Variants in FILIP1 observed in about 807,000 individuals in gnomAD.
The protein encoded by FILIP1 is filamin A interacting protein 1.
A neutral mutation model predicts 102.1 loss-of-function variants in FILIP1; 61 were observed. The ratio of observed to expected loss-of-function variants is 0.60; its 90% CI spans 0.49 to 0.74. The LOEUF (loss-of-function observed/expected upper bound fraction) is 0.74, where lower values mean the gene tolerates loss of function less well. Among genes scored for constraint, FILIP1 ranks in the 30% least tolerant of loss-of-function variants. The probability of loss-of-function intolerance (pLI) is 0.00; values close to 1 mark genes in which losing one functional copy is unlikely to be tolerated. For missense variants in FILIP1, 1,314 were observed against 1,441.2 expected (o/e 0.91, Z 1.43); for synonymous variants, 491 against 526.9 (o/e 0.93, Z 0.93).
intron 1 of FILIP1, among the ~76,000 whole-genome samples, chr6:75,478,539 A>G (rs1179784920): frequency 2.6e-5 from 4 of 152,292 alleles, no homozygotes; most frequent in African/African-American, 9.6e-5. Context: ...AAAAAGCCCA[A>G]CATCTGGTGG....
At chr6:75,346,753 G>T (rs1259086299) in intron 4 of FILIP1, among the ~76,000 whole-genome samples, 1 of 152,114 alleles carries the variant, frequency 6.6e-6, no homozygotes, top group Non-Finnish European at 1.5e-5. Flanking sequence ...CCAGCTAGGG[G>T]TAACACCTCA....
intron 1 of FILIP1, among the ~76,000 whole-genome samples, chr6:75,456,800 C>T (rs184217339): frequency 6.6e-5 from 10 of 152,122 alleles, no homozygotes; most frequent in Admixed American, 3.9e-4. Context: ...CCTCGTGATC[C>T]GCGCGGGTCG....
At chr6:75,346,399 G>A (rs1253801628) in intron 4 of FILIP1, among the ~76,000 whole-genome samples, 2 of 152,142 alleles carry the variant, frequency 1.3e-5, no homozygotes, top group African/African-American at 4.8e-5. Context: ...TTGAGAATGA[G>A]AGTGCTATGA....
At chr6:75,383,135 T>C (rs181215077) in intron 2 of FILIP1, among the ~76,000 whole-genome samples, 7 of 152,234 alleles carry the variant, frequency 4.6e-5, no homozygotes, top group Admixed American at 3.9e-4. Context: ...ATGGACACTG[T>C]AGATGTCATA....
chr6:75,414,569 A>T (rs1777187028), intron 2 of FILIP1, 128 bp downstream of exon 2: 5 of 899,348 alleles, frequency 5.6e-6, no homozygotes, highest in Non-Finnish European at 8.5e-6. Flanking sequence ...CTAGGGATTT[A>T]GAAATAAGGG....
intron 4 of FILIP1, among the ~76,000 whole-genome samples, chr6:75,349,813 G>T (rs1774726781): frequency 2.0e-5 from 3 of 152,190 alleles, no homozygotes; most frequent in Non-Finnish European, 2.9e-5. Context: ...CGTGGTCTCC[G>T]CTGGGGAGGG....
intron 2 of FILIP1, among the ~76,000 whole-genome samples, chr6:75,409,202 G>A (rs1383202176): frequency 1.3e-5 from 2 of 152,156 alleles, no homozygotes; most frequent in Non-Finnish European, 2.9e-5. Context: ...TAATGGGAAG[G>A]ACATTCAACA....
chr6:75,454,447 TCTC>T (rs1219110987), intron 1 of FILIP1, among the ~76,000 whole-genome samples: 48 of 152,286 alleles, frequency 3.2e-4, no homozygotes, highest in African/African-American at 1.1e-3. Context: ...TTCAAAATAA[TCTC>T]CTCATCTTAA....
At chr6:75,461,014 T>C (rs906006390) in intron 1 of FILIP1, among the ~76,000 whole-genome samples, 10 of 152,206 alleles carry the variant, frequency 6.6e-5, no homozygotes, top group Non-Finnish European at 1.5e-4. Flanking sequence ...TTGTTTACTA[T>C]AATAACCCAC....
chr6:75,390,843 T>G (rs1776259937), intron 2 of FILIP1, among the ~76,000 whole-genome samples: 1 of 152,124 alleles, frequency 6.6e-6, no homozygotes, highest in Non-Finnish European at 1.5e-5. Flanking sequence ...GGATTGCTGT[T>G]ATTCTCTCTA....
intron 1 of FILIP1, among the ~76,000 whole-genome samples, chr6:75,421,578 ACTC>A (rs1442149262): frequency 6.6e-6 from 1 of 150,834 alleles, no homozygotes; most frequent in Admixed American, 6.6e-5. Context: ...CTTCCTCACT[ACTC>A]CTCCTCACTG....
intron 1 of FILIP1, among the ~76,000 whole-genome samples, chr6:75,461,559 AG>A (rs531752517): frequency 1.1e-3 from 175 of 152,362 alleles, no homozygotes; most frequent in African/African-American, 4.0e-3. Context: ...GAACAAATTG[AG>A]AAGTTTGTCC....
Position 75,314,052 on chromosome 6 carries a change from C to G in FILIP1, c.1780G>C (p.Asp594His). The G allele has an allele frequency of 6.6e-7, 1 of 1,518,812 alleles. No individual in the cohort carries two copies. The highest frequency in any genetic ancestry group is 2.4e-5 in the Admixed American group (1 of 41,488). The allele number at this position is 1,518,812 out of a possible 1,614,324, so 94.1% of individuals were successfully genotyped here. ...EKSSELSCSVDLLKKRLDGIE... is the reference protein window; with the variant it reads ...EKSSELSCSVHLLKKRLDGIE... ...CCATCAAGTCTCTTCTTTAGTAAGT[C>G]AACACTGCAGCTTAATTCAGAGGAT... Residue 594 changes from aspartate to histidine, a missense_variant, in exon 5 of 6, where the codon GAC becomes CAC. By Grantham distance (81) the Asp-to-His change is moderately conservative. Transcript: ENST00000237172.
rs1775087071 is a variant in FILIP1, at chr6:75,358,807, T to G, written c.450+3937A>C. 1.3e-4 allele frequency among the ~76,000 whole-genome samples: 19 copies of G among 148,414 alleles called. No homozygotes were observed. In the South Asian group the frequency reaches 3.9e-3, roughly 30 times the overall value. ...GCACGATCTCGGCTCACTGCAACCT[T>G]TGCCTCCCAGGTTCATGCCATTCTC... On this transcript the variant is annotated intron_variant, in intron 3 of 5. Transcript: ENST00000237172.
intron 2 of FILIP1, among the ~76,000 whole-genome samples, chr6:75,381,507 C>G (rs542655325): frequency 3.0e-4 from 46 of 152,150 alleles, no homozygotes; most frequent in Admixed American, 1.5e-3. Flanking sequence ...AGATTACAGG[C>G]GTGAGTCACC....
At chr6:75,450,202 T>A (rs150239327) in intron 1 of FILIP1, among the ~76,000 whole-genome samples, 2,477 of 152,224 alleles carry the variant, frequency 0.016, 38 homozygotes, top group Non-Finnish European at 0.026. Context: ...GCTCTTGAAC[T>A]CCTGGCCTGA....
At position 75,467,676 on chromosome 6, in the gene FILIP1, C is replaced by T. The variant is rs138401738; in HGVS notation, c.-7+25738G>A. Among the ~76,000 whole-genome samples, 917 of 152,188 alleles carry T rather than the reference C, an allele frequency of 6.0e-3. 10 individuals carry two copies. The highest frequency in any genetic ancestry group is 0.021 in the African/African-American group (870 of 41,552). On this transcript the variant is annotated intron_variant, in intron 1 of 5. Transcript: ENST00000237172. ...CACTAGAAATCTCAAAATTTTAGAACGAATTTTTTAATGCATATAGCTGGG... is the reference window on the plus strand; with the variant it reads ...CACTAGAAATCTCAAAATTTTAGAATGAATTTTTTAATGCATATAGCTGGG...
rs1019356980 is a variant in FILIP1 at position 75,300,741 on chromosome 6, C to G, written c.3494-4791G>C. The stretch of plus-strand genomic sequence containing the variant: ...CCGCTAATAGGTTCTGTCATTTGCT[C>G]TAGGAAATTTTTGAACCAGATGATA... On this transcript the variant is annotated intron_variant, in intron 6 of 6. Coordinates refer to the FILIP1 transcript ENST00000393004. Among the ~76,000 whole-genome samples the G allele has an allele frequency of 3.3e-5, 5 of 152,252 alleles. No homozygotes were observed. The Middle Eastern group carries it at 0.014, about 414-fold the overall frequency.
intron 2 of FILIP1, among the ~76,000 whole-genome samples, chr6:75,390,564 C>T (rs140401579): frequency 4.6e-5 from 7 of 152,030 alleles, no homozygotes; most frequent in African/African-American, 1.4e-4. Context: ...GAGAGCAAGG[C>T]GAGAGGTACC....
Sources: gnomAD v4.1 joint callset for allele counts (sites outside exome capture counted in the v4.1 genomes callset) on GRCh38, gnomAD v4.1.1 for gene constraint, MANE v1.5 for transcripts, NCBI Gene and HGNC (gene_info 2026-07-23, HGNC 2026-07-21) for gene names.